The following FKBP5 variants were observed in gnomAD, a reference collection of about 807,000 sequenced individuals.
The protein encoded by FKBP5 is peptidyl-prolyl cis-trans isomerase FKBP5.
FKBP5 carries 23 observed loss-of-function variants against 50.5 expected under a neutral mutation model. The ratio of observed to expected loss-of-function variants is 0.46; its 90% CI spans 0.33 to 0.65. FKBP5 has a LOEUF of 0.65. Ranked by LOEUF, FKBP5 falls within the 30% of genes least tolerant of loss-of-function variation. The probability of loss-of-function intolerance (pLI) is 0.02; values close to 1 mark genes in which losing one functional copy is unlikely to be tolerated. For missense variants in FKBP5, 411 were observed against 553.1 expected (o/e 0.74, Z 2.58); for synonymous variants, 176 against 190.6 (o/e 0.92, Z 0.63).
At chr6:35,580,530 T>C (rs2150951703) in intron 8 of FKBP5, 1 of 64,274 alleles carries the variant, frequency 1.6e-5, no homozygotes. Flanking sequence ...TTTAGTCTTT[T>C]TTTTTTTTTT....
chr6:35,644,634 C>G (rs1764580607), intron 1 of FKBP5, among the ~76,000 whole-genome samples: 1 of 152,140 alleles, frequency 6.6e-6, no homozygotes, highest in Non-Finnish European at 1.5e-5. Flanking sequence ...AAGGCCAGAA[C>G]AATCGTTCTC....
chr6:35,620,088 T>A, intron 4 of FKBP5, 44 bp downstream of exon 4: 1 of 1,612,932 alleles, frequency 6.2e-7, no homozygotes, highest in Non-Finnish European at 8.5e-7. Flanking sequence ...GCCATTCCTA[T>A]TGTAGAGCAG....
chr6:35,631,708 G>A (rs1343034019), intron 3 of FKBP5, among the ~76,000 whole-genome samples: 1 of 152,132 alleles, frequency 6.6e-6, no homozygotes, highest in Non-Finnish European at 1.5e-5. Flanking sequence ...TGTAATCTCA[G>A]CACTTTGGGA....
intron 2 of FKBP5, among the ~76,000 whole-genome samples, chr6:35,707,424 A>G (rs565553484): frequency 2.6e-4 from 40 of 151,320 alleles, no homozygotes; most frequent in African/African-American, 9.0e-4. Context: ...GGGTTTCTCC[A>G]TGATGGGGCT....
At chr6:35,667,826 A>T (rs1001045938) in intron 1 of FKBP5, among the ~76,000 whole-genome samples, 1 of 151,936 alleles carries the variant, frequency 6.6e-6, no homozygotes, top group African/African-American at 2.4e-5. Context: ...TCAACTAGGC[A>T]TGGTGGCGGG....
intron 1 of FKBP5, among the ~76,000 whole-genome samples, chr6:35,666,854 G>A (rs971881981): frequency 1.3e-5 from 2 of 152,138 alleles, no homozygotes; most frequent in African/African-American, 4.8e-5. Flanking sequence ...CTGCACTCCA[G>A]CCTGGGCGAC....
At chr6:35,579,895 CAAAT>C (rs1385761903) in intron 9 of FKBP5, 137 bp downstream of exon 9, 2 of 609,478 alleles carry the variant, frequency 3.3e-6, no homozygotes, top group African/African-American at 3.7e-5. Flanking sequence ...TACTGAGAAA[CAAAT>C]AATCCCAAAC....
chr6:35,652,224 A>T (rs959757834), intron 1 of FKBP5, among the ~76,000 whole-genome samples: 3 of 152,220 alleles, frequency 2.0e-5, no homozygotes, highest in Non-Finnish European at 4.4e-5. Context: ...ACCCTGTAAT[A>T]ATTGCGTTAA....
At position 35,580,120 on chromosome 6, in the gene FKBP5, T is replaced by C. The variant is rs765308573; in HGVS notation, c.942A>G (p.Ser314=). ...GGTTCAGAAAGGCAGCAAGGAGAAA[T>C]GATTCAGAAGCTTTCGATTCCTTTT... The part of the protein sequence containing the change: ...LSEKESKASE[S]FLLAAFLNLA... The change falls in exon 9 of 11, where the codon TCA becomes TCG. Residue 314 remains serine (S), a synonymous_variant. Coordinates refer to ENST00000357266, the MANE Select transcript of FKBP5 (RefSeq NM_004117.4). The C allele has an allele frequency of 1.2e-5, 19 of 1,614,002 alleles. No homozygotes were observed. In the African/African-American group the frequency reaches 2.3e-4, roughly 19 times the overall value.
At chr6:35,676,794 C>G (rs1418337264) in intron 1 of FKBP5, among the ~76,000 whole-genome samples, 1 of 152,088 alleles carries the variant, frequency 6.6e-6, no homozygotes, top group African/African-American at 2.4e-5. Flanking sequence ...CCCAAAAGGG[C>G]AGAAATAAGA....
chr6:35,589,104 ATATT>A (rs1244915047), intron 7 of FKBP5, among the ~76,000 whole-genome samples: 9 of 126,836 alleles, frequency 7.1e-5, no homozygotes, highest in African/African-American at 2.9e-4. Context: ...ATATATATAT[ATATT>A]TTTATATATA....
At chr6:35,623,564 C>T (rs1386951115) in intron 3 of FKBP5, among the ~76,000 whole-genome samples, 1 of 151,526 alleles carries the variant, frequency 6.6e-6, no homozygotes, top group Non-Finnish European at 1.5e-5. Context: ...TACGAAATGG[C>T]TACATCACTT....
intron 5 of FKBP5, among the ~76,000 whole-genome samples, chr6:35,613,782 C>T (rs555249012): frequency 3.3e-5 from 5 of 152,290 alleles, no homozygotes; most frequent in Non-Finnish European, 4.4e-5. Flanking sequence ...AAAACCAAGA[C>T]GGTCTTTTGA....
chr6:35,589,128 A>ATATATATT (rs1427010607), intron 7 of FKBP5, among the ~76,000 whole-genome samples: 28 of 121,540 alleles, frequency 2.3e-4, no homozygotes, highest in African/African-American at 8.0e-4. Context: ...ATATATATAT[A>ATATATATT]TTTTTTTTTT....
intron 2 of FKBP5, among the ~76,000 whole-genome samples, chr6:35,639,626 C>T (rs1428639794): frequency 6.6e-6 from 1 of 152,066 alleles, no homozygotes; most frequent in Non-Finnish European, 1.5e-5. Context: ...GTAACTATAG[C>T]TACAAGGTTG....
chr6:35,663,210 C>T (rs909829680), intron 1 of FKBP5, among the ~76,000 whole-genome samples: 28 of 152,146 alleles, frequency 1.8e-4, no homozygotes. Flanking sequence ...GGGCTTCTCA[C>T]AGGGCAAACG....
At chr6:35,668,747 A>C (rs1257629917) in intron 1 of FKBP5, among the ~76,000 whole-genome samples, 2 of 152,120 alleles carry the variant, frequency 1.3e-5, no homozygotes, top group Non-Finnish European at 2.9e-5. Flanking sequence ...TAAAATGCAC[A>C]ACAATAAAAC....
chr6:35,721,771 A>T (rs1383019932), intron 1 of FKBP5, among the ~76,000 whole-genome samples: 2 of 152,236 alleles, frequency 1.3e-5, no homozygotes, highest in Non-Finnish European at 2.9e-5. Flanking sequence ...GTGGCTTTAC[A>T]GCCAAAATGC....
chr6:35,621,636 G>T (rs1261206976), intron 3 of FKBP5, among the ~76,000 whole-genome samples: 1 of 138,420 alleles, frequency 7.2e-6, no homozygotes, highest in Non-Finnish European at 1.6e-5. Flanking sequence ...AAAAAAAAAA[G>T]GCTAAATGAC....
Sources: gnomAD v4.1 joint callset for allele counts (sites outside exome capture counted in the v4.1 genomes callset) on GRCh38, gnomAD v4.1.1 for gene constraint, MANE v1.5 for transcripts, NCBI Gene and HGNC (gene_info 2026-07-23, HGNC 2026-07-21) for gene names.